IGDCC3: variants seen among roughly 807,000 people sequenced by gnomAD.
The protein encoded by IGDCC3 is immunoglobulin superfamily DCC subclass member 3.
IGDCC3 carries 47 observed loss-of-function variants against 72.0 expected under a neutral mutation model. That is an observed-to-expected ratio of 0.65 (90% CI 0.52 to 0.83). The LOEUF (loss-of-function observed/expected upper bound fraction) is 0.83. IGDCC3 is among the 40% of genes least tolerant of loss of function. IGDCC3 has a pLI of 0.00. For missense variants in IGDCC3, 1,038 were observed against 1,091.3 expected (o/e 0.95, Z 0.69); for synonymous variants, 477 against 472.8 (o/e 1.01, Z -0.11).
Position 65,333,384 on chromosome 15 carries a change from C to T in IGDCC3, c.855G>A (p.Gln285=). ...TGATGAGGTTTCCTGTGCCCAGCACCTGGATGCCCTCCACCCCGATAGGGC... is the reference window on the plus strand; with the variant it reads ...TGATGAGGTTTCCTGTGCCCAGCACTTGGATGCCCTCCACCCCGATAGGGC... ...DGRPIGVEGI[Q]VLGTGNLIIS... is the part of the protein sequence containing the mutation. The change falls in exon 6 of 14, where the codon CAG becomes CAA. Residue 285 remains glutamine (Q), a synonymous_variant. Transcript: ENST00000327987. The T allele has an allele frequency of 6.2e-7, 1 of 1,609,746 alleles. No individual in the cohort carries two copies. Among genetic ancestry groups the T allele is most frequent in the South Asian group, 1.1e-5 (1 of 90,412 alleles).
intron 2 of IGDCC3, among the ~76,000 whole-genome samples, chr15:65,365,149 C>T (rs962429327): frequency 1.3e-5 from 2 of 152,088 alleles, no homozygotes; most frequent in African/African-American, 4.8e-5. Context: ...AGGTTTTTCC[C>T]GAAGCTCTAA....
chr15:65,363,597 C>A (rs2091273825), intron 2 of IGDCC3, among the ~76,000 whole-genome samples: 1 of 152,190 alleles, frequency 6.6e-6, no homozygotes, highest in Non-Finnish European at 1.5e-5. Context: ...AGGACAAGGA[C>A]AATCAGCTGT....
chr15:65,375,004 A>G (rs2091349332), intron 2 of IGDCC3, 93 bp downstream of exon 2: 2 of 1,129,138 alleles, frequency 1.8e-6, no homozygotes, highest in Admixed American at 2.1e-5. Flanking sequence ...AAGGCTGCAT[A>G]AGATGGGACT....
intron 2 of IGDCC3, among the ~76,000 whole-genome samples, chr15:65,348,310 A>C (rs1180188262): frequency 6.6e-6 from 1 of 152,136 alleles, no homozygotes; most frequent in Non-Finnish European, 1.5e-5. Flanking sequence ...CTCGCCCTGA[A>C]TTCTTTCTTG....
chr15:65,332,057 C>T lies in IGDCC3; in HGVS notation c.1032G>A (p.Gly344=). The change falls in exon 7 of 14, where the codon GGG becomes GGA. Residue 344 remains glycine (G), a synonymous_variant. Transcript: ENST00000327987. ...QHPQSISRPA[G]TTAMFTCQAQ... Reference sequence around the variant, plus strand: ...CTTGGCAGGTGAACATGGCTGTGGTCCCAGCTGGCCTGGAGATGGACTGGG... The same window carrying T: ...CTTGGCAGGTGAACATGGCTGTGGTTCCAGCTGGCCTGGAGATGGACTGGG... 3.7e-6 allele frequency: 6 copies of T among 1,614,100 alleles called. 1 individual carries two copies. The highest frequency in any genetic ancestry group is 5.1e-6 in the Non-Finnish European group (6 of 1,180,010).
At chr15:65,365,482 C>T (rs1362699718) in intron 2 of IGDCC3, among the ~76,000 whole-genome samples, 1 of 152,108 alleles carries the variant, frequency 6.6e-6, no homozygotes, top group African/African-American at 2.4e-5. Flanking sequence ...CAGGGCTGCC[C>T]CCACCACCCA....
intron 2 of IGDCC3, among the ~76,000 whole-genome samples, chr15:65,372,202 G>A (rs1472343397): frequency 1.3e-5 from 2 of 152,186 alleles, no homozygotes; most frequent in Non-Finnish European, 2.9e-5. Context: ...AGTGTGGGGT[G>A]TGCTGGTCCT....
chr15:65,372,117 T>A (rs1443653474), intron 2 of IGDCC3, among the ~76,000 whole-genome samples: 1 of 152,166 alleles, frequency 6.6e-6, no homozygotes, highest in Non-Finnish European at 1.5e-5. Context: ...TTAAAGGCCA[T>A]GTCAGTGAAA....
At chr15:65,346,738 C>T (rs1283422545) in intron 2 of IGDCC3, among the ~76,000 whole-genome samples, 5 of 151,902 alleles carry the variant, frequency 3.3e-5, no homozygotes, top group Non-Finnish European at 7.4e-5. Context: ...GGATTATAGG[C>T]GTGAGTCATC....
Position 65,331,425 on chromosome 15 carries a change from G to A in IGDCC3, c.1383C>T (p.Ile461=). ...TKEIIGYVLH[I]RKAADPPELE... The stretch of plus-strand genomic sequence containing the variant: ...GGCCACGCGCACCAGCAGCCTTCCT[G>A]ATGTGCAGGACGTAGCCGATGATCT... The change falls in exon 8 of 14, where the codon ATC becomes ATT. Residue 461 remains isoleucine (I), a synonymous_variant. Coordinates refer to ENST00000327987, the MANE Select transcript of IGDCC3 (RefSeq NM_004884.4). The A allele has an allele frequency of 6.2e-7, 1 of 1,605,902 alleles. No homozygotes were observed. The highest frequency in any genetic ancestry group is 8.5e-7 in the Non-Finnish European group (1 of 1,174,948).
Position 65,328,813 on chromosome 15 carries a change from C to G in IGDCC3, c.*96G>C, listed in dbSNP as rs555522760. The stretch of plus-strand genomic sequence containing the variant: ...CAGGATAGAAATGCTGGGGAGCCCC[C>G]AGGACCATCCAAATCCCACATGACA... On this transcript the variant is annotated 3_prime_UTR_variant, in exon 14 of 14. Coordinates refer to ENST00000327987, the MANE Select transcript of IGDCC3 (RefSeq NM_004884.4). The G allele has an allele frequency of 2.1e-6, 3 of 1,444,804 alleles. No homozygotes were observed. Among genetic ancestry groups the G allele is most frequent in the Admixed American group, 2.5e-5 (1 of 39,704 alleles). The allele number at this position is 1,444,804 out of a possible 1,614,324, so 89.5% of individuals were successfully genotyped here. A position where few individuals can be genotyped will look rare whatever the true frequency, so the allele number is the denominator to read the frequency against.
rs937267649 is a variant in IGDCC3 at position 65,339,305 on chromosome 15, C to T, written c.410-3349G>A. ...CCATGTTAGTCAGGCTGGTCTCAAA[C>T]TCCTGACCTCGTGATCCGCCCGCCT... is the stretch of plus-strand genomic sequence containing the variant. On this transcript the variant is annotated intron_variant, in intron 2 of 13. Transcript: ENST00000327987. This position sits in a 1 kb window ranked among gnomAD's most constrained non-coding sequence, Gnocchi z 4.1. Among the ~76,000 whole-genome samples the T allele has an allele frequency of 6.6e-6, 1 of 152,210 alleles. No individual in the cohort carries two copies. The highest frequency in any genetic ancestry group is 1.5e-5 in the Non-Finnish European group (1 of 68,038).
rs140408963 is a variant in IGDCC3, at chr15:65,331,584, T to C, written c.1224A>G (p.Ser408=). 2 of 1,613,728 alleles carry C rather than the reference T, an allele frequency of 1.2e-6. No homozygotes were observed. The highest frequency in any genetic ancestry group is 1.7e-6 in the Non-Finnish European group (2 of 1,179,888). The change falls in exon 8 of 14, where the codon TCA becomes TCG. Residue 408 remains serine (S), a synonymous_variant. Coordinates refer to ENST00000327987, the MANE Select transcript of IGDCC3 (RefSeq NM_004884.4). Reference sequence around the variant, plus strand: ...CGGTCAGCCTGGCACTGGCCTGTGATGAGCCCGCACTGTTCTCGGCCACAC... The same window carrying C: ...CGGTCAGCCTGGCACTGGCCTGTGACGAGCCCGCACTGTTCTCGGCCACAC... The part of the protein sequence containing the change: ...YQCVAENSAG[S]SQASARLTVL...
At chr15:65,354,383 C>A (rs943209358) in intron 2 of IGDCC3, among the ~76,000 whole-genome samples, 4 of 152,192 alleles carry the variant, frequency 2.6e-5, no homozygotes, top group South Asian at 2.1e-4. Context: ...CCCTTGTATT[C>A]TTTGCTTCCA....
At chr15:65,372,715 T>C (rs558357961) in intron 2 of IGDCC3, among the ~76,000 whole-genome samples, 1 of 152,248 alleles carries the variant, frequency 6.6e-6, no homozygotes, top group African/African-American at 2.4e-5. Context: ...AGAGGCCTCC[T>C]CACACCTTTT....
intron 2 of IGDCC3, among the ~76,000 whole-genome samples, chr15:65,359,354 G>C (rs1017860277): frequency 2.0e-5 from 3 of 152,138 alleles, no homozygotes; most frequent in Non-Finnish European, 4.4e-5. Flanking sequence ...TTCCATGGGG[G>C]ATGCACAGGA....
chr15:65,364,698 G>T (rs1303164853), intron 2 of IGDCC3, among the ~76,000 whole-genome samples: 2 of 149,956 alleles, frequency 1.3e-5, no homozygotes, highest in African/African-American at 2.5e-5. Context: ...CCTGAAAAAC[G>T]TGGTGGAACC....
chr15:65,367,279 G>A (rs1376884623), intron 2 of IGDCC3, among the ~76,000 whole-genome samples: 1 of 150,774 alleles, frequency 6.6e-6, no homozygotes, highest in Admixed American at 6.6e-5. Flanking sequence ...CCCAGGAGGC[G>A]GAGGTTGCAG....
chr15:65,331,229 G>C lies in IGDCC3; in HGVS notation c.1397-15C>G, dbSNP rs754501933. On this transcript the variant is annotated splice_polypyrimidine_tract_variant and intron_variant, in intron 8 of 13. Coordinates refer to ENST00000327987, the MANE Select transcript of IGDCC3 (RefSeq NM_004884.4). ...CTCCGGTGGGTCTGGAGAGGCACAG[G>C]GTGGGCAGGGGAGTGTGAAGGACTG... 1 of 1,612,858 alleles carries C rather than the reference G, an allele frequency of 6.2e-7. No homozygotes were observed. The highest frequency in any genetic ancestry group is 8.5e-7 in the Non-Finnish European group (1 of 1,179,398).
Sources: gnomAD v4.1 joint callset for allele counts (sites outside exome capture counted in the v4.1 genomes callset) on GRCh38, gnomAD v4.1.1 for gene constraint, Gnocchi (gnomAD v3.1) non-coding constraint, MANE v1.5 for transcripts, NCBI Gene and HGNC (gene_info 2026-07-23, HGNC 2026-07-21) for gene names.